The following GALNT13 variants were observed in gnomAD, a reference collection of about 807,000 sequenced individuals.
GALNT13 encodes the protein UDP-GalNAc:polypeptide N-acetylgalactosaminyltransferase 13.
A neutral mutation model predicts 64.2 loss-of-function variants in GALNT13; 28 were observed. The ratio of observed to expected loss-of-function variants is 0.44; its 90% CI spans 0.32 to 0.60. GALNT13 has a LOEUF of 0.60. Among genes scored for constraint, GALNT13 ranks in the 20% least tolerant of loss-of-function variants. GALNT13 has a pLI of 0.05. For synonymous variants in GALNT13, 214 were observed against 224.6 expected (o/e 0.95, Z 0.42); for missense variants, 577 against 669.8 (o/e 0.86, Z 1.53).
intron 4 of GALNT13, among the ~76,000 whole-genome samples, chr2:154,239,080 C>G (rs10179971): frequency 6.6e-6 from 1 of 151,938 alleles, no homozygotes; most frequent in Non-Finnish European, 1.5e-5. Context: ...GAAGTTTTCT[C>G]TAAGTAAACA....
chr2:153,542,361 A>G, the GALNT13 span, among the ~76,000 whole-genome samples: 4 of 70,426 alleles, frequency 5.7e-5, no homozygotes, highest in Admixed American at 1.7e-4. Flanking sequence ...CACACACACA[A>G]AAAAAAAACC....
chr2:153,306,147 C>G, the GALNT13 span, among the ~76,000 whole-genome samples: 1 of 152,166 alleles, frequency 6.6e-6, no homozygotes, highest in African/African-American at 2.4e-5. Flanking sequence ...TGACTCACTT[C>G]CCTCCTCAAG....
intron 3 of GALNT13, among the ~76,000 whole-genome samples, chr2:154,058,334 G>A (rs546122732): frequency 2.6e-5 from 4 of 152,246 alleles, no homozygotes; most frequent in Admixed American, 2.0e-4. Flanking sequence ...CAAGTCTGTG[G>A]TATTTTGTTG....
At chr2:154,018,595 G>T (rs1182074074) in intron 3 of GALNT13, among the ~76,000 whole-genome samples, 2 of 151,886 alleles carry the variant, frequency 1.3e-5, no homozygotes, top group African/African-American at 4.8e-5. Context: ...AAGGTGAGGG[G>T]ATAAGAGAGA....
At chr2:153,204,497 C>T in the GALNT13 span, among the ~76,000 whole-genome samples, 1 of 152,086 alleles carries the variant, frequency 6.6e-6, no homozygotes, top group Non-Finnish European at 1.5e-5. Context: ...TTTCAAGACA[C>T]ACTCCCCAGA....
the GALNT13 span, among the ~76,000 whole-genome samples, chr2:153,719,974 C>A: frequency 9.2e-5 from 14 of 152,094 alleles, no homozygotes; most frequent in Middle Eastern, 3.4e-3. Context: ...TCAAGGAGGC[C>A]TGCCTGCCTC....
the GALNT13 span, among the ~76,000 whole-genome samples, chr2:153,199,026 T>G: frequency 2.6e-5 from 4 of 152,182 alleles, no homozygotes; most frequent in Non-Finnish European, 4.4e-5. Context: ...CCTTCATTCC[T>G]CTTTTCCCTT....
intron 7 of GALNT13, among the ~76,000 whole-genome samples, chr2:154,252,806 AAGAGG>A (rs1690158763): frequency 1.3e-5 from 2 of 152,060 alleles, no homozygotes; most frequent in South Asian, 2.1e-4. Context: ...GAGAGGAGAG[AAGAGG>A]AGAGGAGAGG....
the GALNT13 span, among the ~76,000 whole-genome samples, chr2:153,791,061 A>G: frequency 6.6e-6 from 1 of 152,316 alleles, no homozygotes. Context: ...TGGCAAAATA[A>G]CTTATCAACA....
In GALNT13 at chr2:154,219,440, A is replaced by G. The variant is rs564158967; in HGVS notation, c.312-22590A>G. ...CTCCTTACCTTTCTCCATTTTCACA[A>G]TCTTACCATTCTTCAATCCTAAATG... On this transcript the variant is annotated intron_variant, in intron 4 of 12. Transcript: ENST00000392825. 7.2e-5 allele frequency among the ~76,000 whole-genome samples: 11 copies of G among 152,192 alleles called. No homozygotes were observed. In the South Asian group the frequency reaches 2.1e-3, roughly 29 times the overall value.
chr2:153,445,326 A>T, the GALNT13 span, among the ~76,000 whole-genome samples: 4 of 152,218 alleles, frequency 2.6e-5, no homozygotes, highest in Non-Finnish European at 5.9e-5. Flanking sequence ...CAGAAAAGAC[A>T]TATGATAAAA....
At chr2:153,630,410 A>G in the GALNT13 span, among the ~76,000 whole-genome samples, 1 of 148,754 alleles carries the variant, frequency 6.7e-6, no homozygotes, top group South Asian at 2.2e-4. Context: ...AAAAAAACAA[A>G]CACCGCATGT....
upstream of GALNT13, among the ~76,000 whole-genome samples, chr2:153,867,260 C>T (rs1685783182): frequency 6.6e-6 from 1 of 152,156 alleles, no homozygotes; most frequent in African/African-American, 2.4e-5. Context: ...CTCCAAGAAG[C>T]TCTTATCAAG....
the GALNT13 span, among the ~76,000 whole-genome samples, chr2:153,345,645 T>TTCTTTC: frequency 8.3e-6 from 1 of 120,164 alleles, no homozygotes; most frequent in African/African-American, 3.3e-5. Flanking sequence ...TTTTCTTTCT[T>TTCTTTC]TCTTTCTTTC....
chr2:153,865,778 AAATACC>A, the GALNT13 span, among the ~76,000 whole-genome samples: 1 of 20,786 alleles, frequency 4.8e-5, no homozygotes, highest in East Asian at 7.0e-4. Flanking sequence ...CTAGAACTAG[AAATACC>A]ATTTGACCCA....
chr2:153,697,293 T>C, the GALNT13 span, among the ~76,000 whole-genome samples: 1 of 152,230 alleles, frequency 6.6e-6, no homozygotes, highest in Non-Finnish European at 1.5e-5. Context: ...GTTTAGTCTA[T>C]GTTTTCTTTG....
chr2:153,566,348 G>GTTTTTTTTT, the GALNT13 span, among the ~76,000 whole-genome samples: 475 of 74,682 alleles, frequency 6.4e-3, 26 homozygotes, highest in East Asian at 0.019. Flanking sequence ...TTCTAATCAC[G>GTTTTTTTTT]TTTTTTTTTT....
At chr2:153,390,311 GGA>G in the GALNT13 span, among the ~76,000 whole-genome samples, 1 of 152,040 alleles carries the variant, frequency 6.6e-6, no homozygotes, top group South Asian at 2.1e-4. Context: ...GGGCCTGTCG[GGA>G]GGTGGGGGGC....
At chr2:153,784,222 G>T in the GALNT13 span, among the ~76,000 whole-genome samples, 1 of 152,162 alleles carries the variant, frequency 6.6e-6, no homozygotes, top group African/African-American at 2.4e-5. Context: ...ATAGTAATGT[G>T]GACAGTGAAG....
Sources: gnomAD v4.1 joint callset for allele counts (sites outside exome capture counted in the v4.1 genomes callset) on GRCh38, gnomAD v4.1.1 for gene constraint, MANE v1.5 for transcripts, NCBI Gene and HGNC (gene_info 2026-07-23, HGNC 2026-07-21) for gene names.